RFC2: variants seen among roughly 807,000 people sequenced by gnomAD.
The protein encoded by RFC2 is A1 40 kDa subunit.
RFC2 carries 34 observed loss-of-function variants against 44.8 expected under a neutral mutation model. The ratio of observed to expected loss-of-function variants is 0.76; its 90% CI spans 0.58 to 1.01. The LOEUF is 1.01. Among genes scored for constraint, RFC2 ranks in the 50% least tolerant of loss-of-function variants. RFC2 has a pLI of 0.00. For synonymous variants in RFC2, 177 were observed against 168.9 expected (o/e 1.05, Z -0.37); for missense variants, 400 against 453.6 (o/e 0.88, Z 1.07).
intron 6 of RFC2, among the ~76,000 whole-genome samples, chr7:74,240,502 CAAAAAAAAAAAA>C (rs1216974808): frequency 1.4e-5 from 1 of 73,376 alleles, no homozygotes; most frequent in Non-Finnish European, 3.1e-5. Flanking sequence ...GCTGTGTCTC[CAAAAAAAAAAAA>C]AAAAAAAAGA....
chr7:74,251,037 T>G (rs1786909350), intron 2 of RFC2, among the ~76,000 whole-genome samples: 1 of 152,234 alleles, frequency 6.6e-6, no homozygotes. Context: ...TCCACTCGCC[T>G]TGGCCTCCCA....
chr7:74,247,468 C>T (rs1803685386), intron 4 of RFC2, among the ~76,000 whole-genome samples: 1 of 152,180 alleles, frequency 6.6e-6, no homozygotes, highest in Admixed American at 6.5e-5. Flanking sequence ...GGCGAAAATC[C>T]ATCTTTACTA....
chr7:74,245,680 T>C (rs1396642956), intron 5 of RFC2, among the ~76,000 whole-genome samples: 1 of 140,124 alleles, frequency 7.1e-6, no homozygotes, highest in Non-Finnish European at 1.5e-5. Flanking sequence ...GCCACTGCAC[T>C]CCAGCCTGGG....
intron 10 of RFC2, among the ~76,000 whole-genome samples, chr7:74,234,850 T>C (rs1451231198): frequency 2.0e-5 from 3 of 152,122 alleles, no homozygotes; most frequent in African/African-American, 7.2e-5. Flanking sequence ...GGCATCATGC[T>C]ACATGTACAG....
At chr7:74,251,438 C>T (rs967771242) in intron 2 of RFC2, among the ~76,000 whole-genome samples, 15 of 152,142 alleles carry the variant, frequency 9.9e-5, no homozygotes, top group Non-Finnish European at 1.8e-4. Context: ...AATCTGCCCG[C>T]CTTAGCCTCC....
intron 10 of RFC2, among the ~76,000 whole-genome samples, chr7:74,233,338 C>T (rs1410675425): frequency 6.6e-6 from 1 of 152,170 alleles, no homozygotes; most frequent in Admixed American, 6.5e-5. Flanking sequence ...CACGGGGACA[C>T]CCCGTCTCCA....
chr7:74,232,256 G>T, intron 10 of RFC2, 40 bp from the exon 11 acceptor site: 1 of 1,066,700 alleles, frequency 9.4e-7, no homozygotes, highest in Non-Finnish European at 1.4e-6. Context: ...TAATAAGTGG[G>T]GGAGTTCTTT....
chr7:74,253,550 C>T (rs1217778711), intron 1 of RFC2: 1 of 152,266 alleles, frequency 6.6e-6, no homozygotes, highest in Admixed American at 6.6e-5. Flanking sequence ...CATGGTGAAA[C>T]CCAGCCTCTA....
In RFC2 at chr7:74,252,511, TGCATA is replaced by T. The variant is rs1195119426; in HGVS notation, c.114-18_114-14del. On this transcript the variant is annotated splice_polypyrimidine_tract_variant and intron_variant, in intron 1 of 10. Transcript: ENST00000055077. ...ATATTTTTCAACCCTGTTAAGAAAA[TGCATA>T]AAAATGCTGACATGGTTATCTTCAC... 1.3e-6 allele frequency: 2 copies of T among 1,481,584 alleles called. No individual in the cohort carries two copies. The highest frequency in any genetic ancestry group is 1.9e-6 in the Non-Finnish European group (2 of 1,059,918). 91.8% of individuals were successfully genotyped at this position (1,481,584 alleles called of 1,614,324 possible). A position where few individuals can be genotyped will look rare whatever the true frequency, so the allele number is the denominator to read the frequency against.
At chr7:74,251,882 G>C (rs1786980295) in intron 2 of RFC2, among the ~76,000 whole-genome samples, 1 of 147,638 alleles carries the variant, frequency 6.8e-6, no homozygotes, top group Non-Finnish European at 1.5e-5. Context: ...CAGATCACGA[G>C]GTCAGGAGAT....
chr7:74,232,726 A>G (rs1314881561), intron 10 of RFC2, among the ~76,000 whole-genome samples: 1 of 152,120 alleles, frequency 6.6e-6, no homozygotes, highest in African/African-American at 2.4e-5. Flanking sequence ...TTAGCCAGGT[A>G]TGGTGGCGCA....
intron 7 of RFC2, among the ~76,000 whole-genome samples, chr7:74,239,206 C>T (rs1554718876): frequency 7.2e-6 from 1 of 138,368 alleles, no homozygotes. Flanking sequence ...GACAGAGTCT[C>T]ACTCTGTCAC....
chr7:74,236,367 G>C (rs1372871269), intron 9 of RFC2, among the ~76,000 whole-genome samples: 1 of 152,258 alleles, frequency 6.6e-6, no homozygotes, highest in Admixed American at 6.5e-5. Context: ...CTTGCACTCC[G>C]GTTTCACATT....
intron 6 of RFC2, among the ~76,000 whole-genome samples, chr7:74,241,176 C>A (rs1244731172): frequency 6.6e-6 from 1 of 152,216 alleles, no homozygotes; most frequent in Non-Finnish European, 1.5e-5. Context: ...GGGGATCCAC[C>A]TGCCTCGGCC....
intron 4 of RFC2, among the ~76,000 whole-genome samples, chr7:74,248,284 C>T (rs1554720413): frequency 6.6e-6 from 1 of 151,630 alleles, no homozygotes; most frequent in African/African-American, 2.4e-5. Flanking sequence ...CAAGGAGGAT[C>T]GCTTGAGTCC....
At chr7:74,249,715 A>G in intron 3 of RFC2, 24 bp downstream of exon 3, 13 of 1,606,470 alleles carry the variant, frequency 8.1e-6, no homozygotes, top group Non-Finnish European at 1.1e-5. Context: ...GAGACACTCA[A>G]CAGGCCCAGG....
intron 6 of RFC2, 130 bp from the exon 7 acceptor site, chr7:74,240,225 G>A (rs3135680): frequency 3.0e-4 from 226 of 747,474 alleles, no homozygotes; most frequent in African/African-American, 1.1e-3. Flanking sequence ...TTGGTAGGCC[G>A]GACACGAGGG....
rs1368515732 is a variant in RFC2, at chr7:74,250,784, C to T, written c.184-1004G>A. On this transcript the variant is annotated intron_variant, in intron 2 of 10. Coordinates refer to ENST00000055077, the MANE Select transcript of RFC2 (RefSeq NM_181471.3). ...ACGACCACTTTCCTAAAGTACACAC[C>T]TATTAAAACATTTTTTTTTTTGAGA... Among the ~76,000 whole-genome samples, 7 of 152,038 alleles carry T rather than the reference C, an allele frequency of 4.6e-5. No homozygotes were observed. In the East Asian group the frequency reaches 1.2e-3, roughly 25 times the overall value.
Position 74,246,718 on chromosome 7 carries a change from T to C in RFC2, c.378A>G (p.Gln126=), listed in dbSNP as rs1456916736. The change falls in exon 5 of 11, where the codon CAA becomes CAG. Residue 126 remains glutamine, a synonymous_variant. Coordinates refer to ENST00000055077, the MANE Select transcript of RFC2 (RefSeq NM_181471.3). ...VRNKIKMFAQ[Q]KVTLPKGRHK... ...GTCGGCCTTTGGGAAGAGTGACTTTTTGTTGAGCAAACATTTTAATTTTAT... is the reference window on the plus strand; with the variant it reads ...GTCGGCCTTTGGGAAGAGTGACTTTCTGTTGAGCAAACATTTTAATTTTAT... 1.9e-6 allele frequency: 3 copies of C among 1,613,404 alleles called. No homozygotes were observed. Among genetic ancestry groups the C allele is most frequent in the South Asian group, 1.1e-5 (1 of 90,998 alleles).
Sources: gnomAD v4.1 joint callset for allele counts (sites outside exome capture counted in the v4.1 genomes callset) on GRCh38, gnomAD v4.1.1 for gene constraint, MANE v1.5 for transcripts, NCBI Gene and HGNC (gene_info 2026-07-23, HGNC 2026-07-21) for gene names.